The following CNKSR3 variants were observed in gnomAD, a reference collection of about 807,000 sequenced individuals.
CNKSR3 encodes the protein connector enhancer of kinase suppressor of ras 3.
A neutral mutation model predicts 67.7 loss-of-function variants in CNKSR3; 36 were observed. The ratio of observed to expected loss-of-function variants is 0.53; its 90% confidence interval spans 0.41 to 0.70. CNKSR3 has a LOEUF of 0.70. CNKSR3 is among the 30% of genes least tolerant of loss of function. The pLI, the probability that CNKSR3 is intolerant of heterozygous loss-of-function variation, is 0.00. For missense variants in CNKSR3, 630 were observed against 695.2 expected (o/e 0.91, Z 1.05); for synonymous variants, 281 against 271.4 (o/e 1.04, Z -0.35).
Position 154,406,374 on chromosome 6 carries a change from G to C in CNKSR3, c.1648C>G (p.Leu550Val). 5.6e-6 allele frequency: 9 copies of C among 1,613,188 alleles called. No individual in the cohort carries two copies. Among genetic ancestry groups the C allele is most frequent in the Non-Finnish European group, 7.6e-6 (9 of 1,179,752 alleles). The change falls in exon 13 of 13, where the codon CTC becomes GTC. Residue 550 changes from leucine to valine, a missense_variant. This residue lies in a region of CNKSR3 where 308 missense variants were observed against 299.6 expected (regional missense o/e 1.03). Transcript: ENST00000607772. ...PSLLVSWFTRLKLLTH is the reference protein window; with the variant it reads ...PSLLVSWFTRVKLLTH ...CCCTCTCAGTGAGTCAACAGTTTGA[G>C]GCGCGTAAACCAGCTGACCAGGAGG...
intron 9 of CNKSR3, among the ~76,000 whole-genome samples, chr6:154,417,089 C>G (rs189133521): frequency 6.6e-6 from 1 of 152,288 alleles, no homozygotes; most frequent in African/African-American, 2.4e-5. Context: ...GCCTCAAACT[C>G]AATTATGCTC....
rs182684451 is a variant in CNKSR3, at chr6:154,406,402, C to A, written c.1620G>T (p.Pro540=). 6.2e-7 allele frequency: 1 copy of A among 1,614,144 alleles called. No homozygotes were observed. The highest frequency in any genetic ancestry group is 2.2e-5 in the East Asian group (1 of 44,884). ...SSATKSSSTE[P]SLLVSWFTRL... is the part of the protein sequence containing the mutation. ...GCGTAAACCAGCTGACCAGGAGGGACGGTTCTGTGGACGAGGACTTCGTAG... is the reference window on the plus strand; with the variant it reads ...GCGTAAACCAGCTGACCAGGAGGGAAGGTTCTGTGGACGAGGACTTCGTAG... The change falls in exon 13 of 13, where the codon CCG becomes CCT. Residue 540 remains proline, a synonymous_variant. Transcript: ENST00000607772.
intron 1 of CNKSR3, among the ~76,000 whole-genome samples, chr6:154,473,009 A>G (rs1210534342): frequency 6.6e-6 from 1 of 152,160 alleles, no homozygotes; most frequent in African/African-American, 2.4e-5. Context: ...TTGGTGATGA[A>G]GGAAGGAAGA....
At chr6:154,506,728 G>A (rs953285157) in intron 1 of CNKSR3, among the ~76,000 whole-genome samples, 2 of 152,218 alleles carry the variant, frequency 1.3e-5, no homozygotes, top group African/African-American at 2.4e-5. Flanking sequence ...AACCCTACAC[G>A]TTGTAAAAGA....
At chr6:154,507,422 G>T (rs1562362287) in intron 1 of CNKSR3, among the ~76,000 whole-genome samples, 1 of 152,192 alleles carries the variant, frequency 6.6e-6, no homozygotes, top group Non-Finnish European at 1.5e-5. Context: ...ATGAAGAGCT[G>T]CTTATCAGTA....
At chr6:154,457,949 C>G (rs772013804) in intron 1 of CNKSR3, among the ~76,000 whole-genome samples, 16 of 152,194 alleles carry the variant, frequency 1.1e-4, no homozygotes, top group Non-Finnish European at 2.2e-4. Context: ...TGAGTTTCTC[C>G]AAAAGTAACA....
chr6:154,460,723 T>C (rs7751802), intron 1 of CNKSR3, among the ~76,000 whole-genome samples: 44,155 of 152,118 alleles, frequency 0.29, 6,781 homozygotes, highest in East Asian at 0.42. Context: ...TAAATTCGAT[T>C]TGGTCTAAAA....
chr6:154,450,182 A>T lies in CNKSR3; in HGVS notation c.129T>A (p.Ile43=), dbSNP rs1416643583. The change falls in exon 2 of 13, where the codon ATT becomes ATA. Residue 43 remains isoleucine, a synonymous_variant. Coordinates refer to ENST00000607772, the MANE Select transcript of CNKSR3 (RefSeq NM_173515.4). ...EKINGEQLLQ[I]SHQDLEELGV... ...CCAGCTCCTCCAGGTCCTGATGGGA[A>T]ATCTGCAGCAGCTGCTCGCCGTTGA... is the stretch of plus-strand genomic sequence containing the variant. 4.3e-6 allele frequency: 7 copies of T among 1,614,000 alleles called. No individual in the cohort carries two copies. The highest frequency in any genetic ancestry group is 5.9e-6 in the Non-Finnish European group (7 of 1,180,022).
intron 4 of CNKSR3, among the ~76,000 whole-genome samples, chr6:154,439,045 C>A (rs983887316): frequency 2.0e-5 from 3 of 152,194 alleles, no homozygotes; most frequent in African/African-American, 7.2e-5. Context: ...TCCCATCAGA[C>A]AAGCACAGAC....
At chr6:154,461,375 C>T (rs1403620585) in intron 1 of CNKSR3, among the ~76,000 whole-genome samples, 2 of 152,262 alleles carry the variant, frequency 1.3e-5, no homozygotes, top group Middle Eastern at 3.4e-3. Flanking sequence ...TTTGGCACCA[C>T]GGGATGCATT....
chr6:154,437,490 T>C (rs1019186339), intron 4 of CNKSR3, among the ~76,000 whole-genome samples: 20 of 146,598 alleles, frequency 1.4e-4, no homozygotes, highest in Admixed American at 7.2e-4. Context: ...CTTGGCTGAC[T>C]GCAACCTCCG....
At chr6:154,415,392 A>C (rs1216919739) in intron 9 of CNKSR3, among the ~76,000 whole-genome samples, 1 of 151,874 alleles carries the variant, frequency 6.6e-6, no homozygotes, top group African/African-American at 2.4e-5. Flanking sequence ...CACCACACCC[A>C]GCTAATTTTT....
At chr6:154,474,525 G>A (rs1288560929) in intron 1 of CNKSR3, among the ~76,000 whole-genome samples, 1 of 152,118 alleles carries the variant, frequency 6.6e-6, no homozygotes, top group Non-Finnish European at 1.5e-5. Context: ...AAGGTTAGAT[G>A]GGAAAGATAT....
chr6:154,483,717 T>C (rs1264042789), intron 1 of CNKSR3, among the ~76,000 whole-genome samples: 3 of 152,154 alleles, frequency 2.0e-5, no homozygotes, highest in Non-Finnish European at 1.5e-5. Flanking sequence ...TCTCCCTCTC[T>C]CCCTCTCTCT....
rs572221445 is a variant in CNKSR3, at chr6:154,389,208, G to A, written c.*17146C>T. The stretch of plus-strand genomic sequence containing the variant: ...TTTTCGCCTATGTTTTCTTCTAGGA[G>A]TTTTACAGCTTCAGATTTTATGTTT... On this transcript the variant is annotated 3_prime_UTR_variant, in exon 13 of 13. Coordinates refer to ENST00000607772, the MANE Select transcript of CNKSR3 (RefSeq NM_173515.4). 1 of 152,230 alleles carries A rather than the reference G, an allele frequency of 6.6e-6. No homozygotes were observed. Among genetic ancestry groups the A allele is most frequent in the African/African-American group, 2.4e-5 (1 of 41,548 alleles). 9.4% of individuals were successfully genotyped at this position (152,230 alleles called of 1,614,324 possible). A position where few individuals can be genotyped will look rare whatever the true frequency, so the allele number is the denominator to read the frequency against.
chr6:154,452,279 G>T (rs1047199194), intron 1 of CNKSR3, among the ~76,000 whole-genome samples: 1 of 152,052 alleles, frequency 6.6e-6, no homozygotes, highest in Non-Finnish European at 1.5e-5. Flanking sequence ...GCATTTTCTC[G>T]CAAACACGAG....
chr6:154,423,215 A>T (rs1267094037), intron 7 of CNKSR3, among the ~76,000 whole-genome samples: 1 of 152,216 alleles, frequency 6.6e-6, no homozygotes, highest in Non-Finnish European at 1.5e-5. Context: ...TGTCTGTTAG[A>T]ACAGCCAGGT....
chr6:154,478,101 C>G (rs895031188), intron 1 of CNKSR3, among the ~76,000 whole-genome samples: 3 of 152,154 alleles, frequency 2.0e-5, no homozygotes, highest in African/African-American at 7.2e-5. Flanking sequence ...CCAAGAAGTC[C>G]TCTCAAGAAA....
intron 1 of CNKSR3, among the ~76,000 whole-genome samples, chr6:154,457,292 G>A (rs1785979772): frequency 6.6e-6 from 1 of 152,158 alleles, no homozygotes; most frequent in South Asian, 2.1e-4. Flanking sequence ...GAGTCACCCA[G>A]TTACATCACT....
Sources: gnomAD v4.1 joint callset for allele counts (sites outside exome capture counted in the v4.1 genomes callset) on GRCh38, gnomAD v4.1.1 for gene constraint, gnomAD v4.1.1 regional missense constraint, MANE v1.5 for transcripts, NCBI Gene and HGNC (gene_info 2026-07-23, HGNC 2026-07-21) for gene names.